Variants in GRM4 observed in about 807,000 individuals in gnomAD.
The protein encoded by GRM4 is glutamate metabotropic receptor 4, also known as metabotropic glutamate receptor 4.
Under a neutral mutation model 81.7 loss-of-function variants are expected in GRM4, and 28 were observed. That is an observed-to-expected ratio of 0.34 (90% CI 0.25 to 0.47). The LOEUF (loss-of-function observed/expected upper bound fraction) is 0.47, where lower values mean the gene tolerates loss of function less well. Ranked by LOEUF, GRM4 falls within the 20% of genes least tolerant of loss-of-function variation. GRM4 has a pLI of 1.00. For synonymous variants in GRM4, 488 were observed against 528.8 expected, an observed-to-expected ratio of 0.92 and a Z score of 1.06; for missense variants, 948 against 1,290.0, an observed-to-expected ratio of 0.73 and a Z score of 4.06.
intron 1 of GRM4, among the ~76,000 whole-genome samples, chr6:34,153,389 G>A (rs1771085668): frequency 1.3e-5 from 2 of 152,178 alleles, no homozygotes; most frequent in Admixed American, 1.3e-4. Context: ...CCACACTCCG[G>A]GCATCTCCAT....
chr6:34,103,735 C>T (rs568211884), intron 2 of GRM4: 550 of 1,501,898 alleles, frequency 3.7e-4, no homozygotes, highest in Middle Eastern at 2.9e-3. Context: ...AAGTCCAACT[C>T]CCATAGGTGA....
chr6:34,022,339 TGAGA>T lies in GRM4; in HGVS notation c.*478_*481del, dbSNP rs994673760. On this transcript the variant is annotated 3_prime_UTR_variant, in exon 11 of 11. Coordinates refer to ENST00000538487, the MANE Select transcript of GRM4 (RefSeq NM_000841.4). This position sits in a 1 kb window ranked among gnomAD's most constrained non-coding sequence, Gnocchi z 5.6. ...CAGGAGGAGCTGAGGACAAAGAGGA[TGAGA>T]GAGAGAGGCGGAGGCAAGAGCCAGA... 5.9e-6 allele frequency: 1 copy of T among 170,288 alleles called. No homozygotes were observed. Among genetic ancestry groups the T allele is most frequent in the Admixed American group, 5.9e-5 (1 of 17,034 alleles). 10.5% of individuals were successfully genotyped at this position (170,288 alleles called of 1,614,324 possible). A position where few individuals can be genotyped will look rare whatever the true frequency, so the allele number is the denominator to read the frequency against.
At position 34,069,209 on chromosome 6, in the gene GRM4, C is replaced by T. The variant is rs950289570; in HGVS notation, c.737-7181G>A. Among the ~76,000 whole-genome samples the T allele has an allele frequency of 6.6e-6, 1 of 151,462 alleles. No homozygotes were observed. The highest frequency in any genetic ancestry group is 1.5e-5 in the Non-Finnish European group (1 of 67,958). ...ACACACACACACACACACACACGCACGCACACACGGCTCCTTCCTTCTGAC... is the reference window on the plus strand; with the variant it reads ...ACACACACACACACACACACACGCATGCACACACGGCTCCTTCCTTCTGAC... On this transcript the variant is annotated intron_variant, in intron 3 of 10. Coordinates refer to ENST00000538487, the MANE Select transcript of GRM4 (RefSeq NM_000841.4). The surrounding 1 kb of genome is among the most constrained non-coding windows in gnomAD (Gnocchi z 6.4).
rs1770467854 is a variant in GRM4, at chr6:34,136,586, A to ACACACACACC, written c.-363-2728_-363-2727insGGTGTGTGTG. On this transcript the variant is annotated intron_variant, in intron 1 of 10. Transcript: ENST00000538487. This position sits in a 1 kb window ranked among gnomAD's most constrained non-coding sequence, Gnocchi z 4.1. ...CGGACACACACACACACACACACACACACACACACACACACACACGGGGAA... is the reference window on the plus strand; with the variant it reads ...CGGACACACACACACACACACACACACACACACACCCACACACACACACACACACGGGGAA... Among the ~76,000 whole-genome samples the ACACACACACC allele has an allele frequency of 6.6e-6, 1 of 151,050 alleles. No individual in the cohort carries two copies. Among genetic ancestry groups the ACACACACACC allele is most frequent in the Non-Finnish European group, 1.5e-5 (1 of 67,788 alleles).
chr6:34,061,766 C>T, intron 4 of GRM4, 127 bp downstream of exon 4: 1 of 984,314 alleles, frequency 1.0e-6, no homozygotes, highest in Non-Finnish European at 1.5e-6. Context: ...CACTCACCAG[C>T]ACCCACCTCT....
rs753562985 is a variant in GRM4, at chr6:34,092,132, ACTGGCTCCCCACC to A, written c.520-46_520-34del. 6.8e-7 allele frequency: 1 copy of A among 1,461,294 alleles called. No homozygotes were observed. The highest frequency in any genetic ancestry group is 1.7e-5 in the Admixed American group (1 of 58,160). 90.5% of individuals were successfully genotyped at this position (1,461,294 alleles called of 1,614,324 possible). A position where few individuals can be genotyped will look rare whatever the true frequency, so the allele number is the denominator to read the frequency against. On this transcript the variant is annotated intron_variant, in intron 2 of 10. Coordinates refer to ENST00000538487, the MANE Select transcript of GRM4 (RefSeq NM_000841.4). The surrounding 1 kb of genome is among the most constrained non-coding windows in gnomAD (Gnocchi z 6.8). ...GCGAGAGGGGCTGCTGAGGGTGGCG[ACTGGCTCCCCACC>A]CTGCCTAGCCAGCCCCATTCCCCTA...
chr6:34,102,495 G>A (rs936504628), intron 2 of GRM4, among the ~76,000 whole-genome samples: 15 of 151,880 alleles, frequency 9.9e-5, no homozygotes, highest in Admixed American at 2.6e-4. Flanking sequence ...CATGTGGCTC[G>A]CTCCCTCTCA....
At chr6:34,109,223 G>T (rs563318361) in intron 2 of GRM4, among the ~76,000 whole-genome samples, 1 of 152,196 alleles carries the variant, frequency 6.6e-6, no homozygotes, top group African/African-American at 2.4e-5. Context: ...GGAGATGCCC[G>T]CTGGCTCCCC....
In GRM4 at chr6:34,091,963, T is replaced by G. The variant is rs767799402; in HGVS notation, c.656A>C (p.Asn219Thr). ...MVDIVRALKW[N>T]YVSTVASEGS... is the part of the protein sequence containing the mutation. ...CTCCGAGGCCACTGTGGACACATAG[T>G]TCCACTTGAGGGCACGGACGATGTC... Residue 219 changes from asparagine (N) to threonine (T), a missense_variant, in exon 3 of 11, where the codon AAC becomes ACC. Coordinates refer to ENST00000538487, the MANE Select transcript of GRM4 (RefSeq NM_000841.4). The G allele has an allele frequency of 1.2e-6, 2 of 1,614,122 alleles. No individual in the cohort carries two copies.
chr6:34,104,234 G>A (rs1301447260), intron 2 of GRM4, among the ~76,000 whole-genome samples: 2 of 152,244 alleles, frequency 1.3e-5, no homozygotes, highest in Non-Finnish European at 2.9e-5. Flanking sequence ...GGACCCAAAG[G>A]GGCGAGGCTG....
At chr6:34,109,513 C>A (rs576527403) in intron 2 of GRM4, among the ~76,000 whole-genome samples, 1 of 152,282 alleles carries the variant, frequency 6.6e-6, no homozygotes, top group South Asian at 2.1e-4. Flanking sequence ...CACCAGCAGA[C>A]AATGGGCATC....
At position 34,051,298 on chromosome 6, in the gene GRM4, T is replaced by C. The variant is rs9469698; in HGVS notation, c.1168+5246A>G. Among the ~76,000 whole-genome samples, 212 of 152,354 alleles carry C rather than the reference T, an allele frequency of 1.4e-3. 1 individual carries two copies. Among genetic ancestry groups the C allele is most frequent in the African/African-American group, 4.2e-3 (176 of 41,574 alleles). On this transcript the variant is annotated intron_variant, in intron 6 of 10. Coordinates refer to ENST00000538487, the MANE Select transcript of GRM4 (RefSeq NM_000841.4). ...TCTGTAATGTGGGTTGCTCCAAAAA[T>C]TAAATGCAAAATACTGGAACAGAGC...
intron 2 of GRM4, chr6:34,105,994 A>C (rs1769108380): frequency 6.6e-6 from 1 of 152,310 alleles, no homozygotes. Flanking sequence ...CAGGGCCCTT[A>C]GCCTCCTATT....
upstream of GRM4, chr6:34,146,207 C>G (rs117885712): frequency 1.0e-3 from 947 of 915,916 alleles, 20 homozygotes; most frequent in East Asian, 0.052. Context: ...CACCCCACTG[C>G]TCCTGATTCA....
chr6:34,046,650 T>C (rs979405318), intron 6 of GRM4, among the ~76,000 whole-genome samples: 1 of 152,188 alleles, frequency 6.6e-6, no homozygotes, highest in African/African-American at 2.4e-5. Context: ...CTCAGGGGCA[T>C]GAGCCCCATT....
chr6:34,030,274 C>G (rs888939795), intron 9 of GRM4, among the ~76,000 whole-genome samples: 21 of 152,232 alleles, frequency 1.4e-4, no homozygotes, highest in African/African-American at 5.1e-4. Flanking sequence ...CTGATTACAT[C>G]AGGGTTCCCT....
chr6:34,112,219 C>T (rs189644173), intron 2 of GRM4, among the ~76,000 whole-genome samples: 7 of 152,284 alleles, frequency 4.6e-5, no homozygotes, highest in Admixed American at 1.3e-4. Flanking sequence ...ATCCAACGAG[C>T]GATAAAACAC....
intron 1 of GRM4, 37 bp downstream of exon 1, chr6:34,145,963 C>CT: frequency 2.0e-6 from 2 of 982,766 alleles, no homozygotes; most frequent in Non-Finnish European, 1.2e-6. Flanking sequence ...GGAAGCCCCC[C>CT]CCTTCCTCCT....
At chr6:34,083,936 C>T (rs373881151) in intron 3 of GRM4, among the ~76,000 whole-genome samples, 37 of 152,302 alleles carry the variant, frequency 2.4e-4, no homozygotes, top group African/African-American at 6.7e-4. Flanking sequence ...CATTCCTGAA[C>T]CGAAACGCCA....
Sources: gnomAD v4.1 joint callset for allele counts (sites outside exome capture counted in the v4.1 genomes callset) on GRCh38, gnomAD v4.1.1 for gene constraint, Gnocchi (gnomAD v3.1) non-coding constraint, MANE v1.5 for transcripts, NCBI Gene and HGNC (gene_info 2026-07-23, HGNC 2026-07-21) for gene names.